DYNC1I1: variants seen among roughly 807,000 people sequenced by gnomAD.
DYNC1I1 encodes dynein cytoplasmic 1 intermediate chain 1, also known as cytoplasmic dynein 1 intermediate chain 1.
Under a neutral mutation model 86.6 loss-of-function variants are expected in DYNC1I1, and 43 were observed. That is an observed-to-expected ratio of 0.50 (90% CI 0.39 to 0.64). The LOEUF (loss-of-function observed/expected upper bound fraction) is 0.64. Among genes scored for constraint, DYNC1I1 ranks in the 30% least tolerant of loss-of-function variants. The probability of loss-of-function intolerance (pLI) is 0.00; values close to 1 mark genes in which losing one functional copy is unlikely to be tolerated. For missense variants in DYNC1I1, 604 were observed against 788.8 expected (o/e 0.77, Z 2.81); for synonymous variants, 262 against 283.7 (o/e 0.92, Z 0.77).
chr7:95,883,886 G>C (rs549886871), intron 6 of DYNC1I1, among the ~76,000 whole-genome samples: 26 of 151,524 alleles, frequency 1.7e-4, no homozygotes, highest in African/African-American at 6.1e-4. Context: ...CTCAGCATCA[G>C]TTTAAAACAA....
intron 16 of DYNC1I1, among the ~76,000 whole-genome samples, chr7:96,103,978 C>CTATT (rs1475876123): frequency 6.6e-6 from 1 of 152,110 alleles, no homozygotes; most frequent in Non-Finnish European, 1.5e-5. Context: ...CTTATTTTAG[C>CTATT]TATTTTGGTG....
At chr7:96,081,989 A>G (rs42079) in intron 16 of DYNC1I1, among the ~76,000 whole-genome samples, 62,681 of 151,960 alleles carry the variant, frequency 0.41, 13,885 homozygotes, top group Non-Finnish European at 0.5. Flanking sequence ...TCCTGATACC[A>G]CAAGCTGAGT....
chr7:95,825,079 A>G (rs911231737), intron 4 of DYNC1I1, among the ~76,000 whole-genome samples: 4 of 152,328 alleles, frequency 2.6e-5, no homozygotes, highest in South Asian at 2.1e-4. Context: ...GTTACTGACA[A>G]TAACTATGGT....
chr7:96,000,972 A>G (rs901409655), intron 10 of DYNC1I1, among the ~76,000 whole-genome samples: 3 of 152,224 alleles, frequency 2.0e-5, no homozygotes, highest in Non-Finnish European at 4.4e-5. Context: ...TTGTTTTAAA[A>G]TCGTTTTATT....
At chr7:95,857,058 T>A (rs902085604) in intron 5 of DYNC1I1, among the ~76,000 whole-genome samples, 1 of 152,212 alleles carries the variant, frequency 6.6e-6, no homozygotes, top group African/African-American at 2.4e-5. Context: ...TTCTTCATCC[T>A]TACCAAATCC....
intron 14 of DYNC1I1, among the ~76,000 whole-genome samples, chr7:96,043,477 G>C (rs1166383110): frequency 6.6e-6 from 1 of 150,956 alleles, no homozygotes; most frequent in South Asian, 2.1e-4. Flanking sequence ...ACCTGATTTA[G>C]TTTCTGCAAC....
intron 10 of DYNC1I1, among the ~76,000 whole-genome samples, chr7:96,021,560 T>G (rs917245257): frequency 6.7e-6 from 1 of 149,120 alleles, no homozygotes; most frequent in African/African-American, 2.5e-5. Flanking sequence ...AAACATACAA[T>G]TTTGTGTTTT....
downstream of DYNC1I1, among the ~76,000 whole-genome samples, chr7:96,099,168 A>G (rs1026469758): frequency 4.6e-5 from 7 of 152,244 alleles, no homozygotes; most frequent in South Asian, 1.0e-3. Context: ...GTGCATTATT[A>G]TGATAGACCA....
chr7:95,806,199 A>T (rs1008862544), intron 2 of DYNC1I1, among the ~76,000 whole-genome samples: 2 of 152,222 alleles, frequency 1.3e-5, no homozygotes, highest in Non-Finnish European at 2.9e-5. Flanking sequence ...CACTTACTGT[A>T]GTTTTAAAGC....
Position 95,952,834 on chromosome 7 carries a change from T to C in DYNC1I1, c.491-24678T>C, listed in dbSNP as rs1419933011. Among the ~76,000 whole-genome samples the C allele has an allele frequency of 2.0e-5, 3 of 152,072 alleles. No homozygotes were observed. The East Asian group carries it at 5.8e-4, about 29-fold the overall frequency. ...TATGCATTGTGTTGCCCTGTGTCTC[T>C]TTCTTCATTTTTGGACTTGCTTCAG... On this transcript the variant is annotated intron_variant, in intron 6 of 16. Coordinates refer to ENST00000447467, the MANE Select transcript of DYNC1I1 (RefSeq NM_001135556.2).
intron 16 of DYNC1I1, among the ~76,000 whole-genome samples, chr7:96,108,822 C>G (rs187485761): frequency 2.0e-5 from 3 of 148,426 alleles, no homozygotes. Context: ...GATCGCACCA[C>G]TGCACTCCAG....
intron 14 of DYNC1I1, among the ~76,000 whole-genome samples, chr7:96,060,603 T>C (rs1367280215): frequency 2.6e-5 from 4 of 152,140 alleles, no homozygotes; most frequent in Non-Finnish European, 5.9e-5. Flanking sequence ...CCATACCAAG[T>C]GTGAACCCTG....
chr7:96,086,877 A>G (rs1341461088), intron 16 of DYNC1I1, among the ~76,000 whole-genome samples: 1 of 152,228 alleles, frequency 6.6e-6, no homozygotes, highest in Non-Finnish European at 1.5e-5. Context: ...TTTTAGAATG[A>G]TGGTCAAGGT....
At chr7:95,852,533 A>T (rs892867678) in intron 5 of DYNC1I1, among the ~76,000 whole-genome samples, 1 of 151,614 alleles carries the variant, frequency 6.6e-6, no homozygotes, top group Non-Finnish European at 1.5e-5. Flanking sequence ...TTTGAGATGG[A>T]GTCTCACTTT....
At chr7:95,818,711 G>A (rs1795006629) in intron 4 of DYNC1I1, 2 of 425,100 alleles carry the variant, frequency 4.7e-6, no homozygotes, top group Admixed American at 3.9e-5. Context: ...ATATAAATGA[G>A]CAAAAATAAC....
At chr7:95,972,563 G>T (rs1793202470) in intron 6 of DYNC1I1, among the ~76,000 whole-genome samples, 2 of 151,982 alleles carry the variant, frequency 1.3e-5, no homozygotes, top group African/African-American at 4.8e-5. Flanking sequence ...AAGGGAATAT[G>T]CCCCAGACAG....
At chr7:95,980,359 C>G (rs142597605) in intron 7 of DYNC1I1, among the ~76,000 whole-genome samples, 52 of 150,910 alleles carry the variant, frequency 3.4e-4, no homozygotes, top group African/African-American at 1.2e-3. Context: ...GAAAGAATCT[C>G]TAGCAGATAT....
At chr7:95,904,120 A>C (rs1791110925) in intron 6 of DYNC1I1, among the ~76,000 whole-genome samples, 1 of 152,184 alleles carries the variant, frequency 6.6e-6, no homozygotes, top group Non-Finnish European at 1.5e-5. Flanking sequence ...TTAGCCCTTT[A>C]TTTTAGGGTA....
chr7:95,985,009 A>G (rs1210726304), intron 8 of DYNC1I1, 32 bp downstream of exon 8: 3 of 1,599,720 alleles, frequency 1.9e-6, no homozygotes, highest in Middle Eastern at 1.7e-4. Flanking sequence ...TTTAAAAAAT[A>G]GCGTAAGTTA....
Sources: gnomAD v4.1 joint callset for allele counts (sites outside exome capture counted in the v4.1 genomes callset) on GRCh38, gnomAD v4.1.1 for gene constraint, MANE v1.5 for transcripts, NCBI Gene and HGNC (gene_info 2026-07-23, HGNC 2026-07-21) for gene names.